GPM6A: variants seen among roughly 807,000 people sequenced by gnomAD.
GPM6A encodes the protein neuronal membrane glycoprotein M6-a.
In GPM6A, 7 loss-of-function variants were observed where a neutral mutation model predicts 32.1. The observed-to-expected ratio is 0.22, with a 90% confidence interval of 0.12 to 0.41. The LOEUF is 0.41. GPM6A is among the 10% of genes least tolerant of loss of function. GPM6A has a pLI of 1.00. For missense variants in GPM6A, 235 were observed against 347.2 expected, an observed-to-expected ratio of 0.68 and a Z score of 2.57; for synonymous variants, 130 against 123.4, an observed-to-expected ratio of 1.05 and a Z score of -0.35.
chr4:175,720,019 C>A (rs1234315107), intron 1 of GPM6A, among the ~76,000 whole-genome samples: 2 of 152,158 alleles, frequency 1.3e-5, no homozygotes, highest in Admixed American at 6.5e-5. Flanking sequence ...TCTGCCTGAG[C>A]ACCCTGATAA....
At chr4:175,642,215 A>C (rs1741187741) in intron 4 of GPM6A, 1 of 152,184 alleles carries the variant, frequency 6.6e-6, no homozygotes, top group East Asian at 1.9e-4. Context: ...GTAAAAATTT[A>C]AAAGGGTTCT....
At chr4:175,708,840 G>C (rs1382047612) in intron 1 of GPM6A, among the ~76,000 whole-genome samples, 1 of 152,156 alleles carries the variant, frequency 6.6e-6, no homozygotes, top group Non-Finnish European at 1.5e-5. Context: ...TTCTAGTGAA[G>C]TTTATACCAG....
chr4:175,677,517 A>C (rs1375475556), intron 2 of GPM6A, among the ~76,000 whole-genome samples: 1 of 152,210 alleles, frequency 6.6e-6, no homozygotes, highest in East Asian at 1.9e-4. Context: ...AAAGAAATTT[A>C]AGGCATAGAA....
At chr4:175,643,046 C>T (rs1351797352) in intron 4 of GPM6A, among the ~76,000 whole-genome samples, 3 of 152,100 alleles carry the variant, frequency 2.0e-5, no homozygotes, top group Non-Finnish European at 4.4e-5. Flanking sequence ...ACCCTACATG[C>T]AATCTATCAG....
chr4:175,645,907 C>A (rs1003770746), intron 4 of GPM6A, among the ~76,000 whole-genome samples: 3 of 152,090 alleles, frequency 2.0e-5, no homozygotes, highest in African/African-American at 4.8e-5. Context: ...AAAATACCAG[C>A]ATGTCCTTTT....
intron 1 of GPM6A, among the ~76,000 whole-genome samples, chr4:175,821,568 G>A (rs1268611330): frequency 6.6e-6 from 1 of 151,934 alleles, no homozygotes; most frequent in African/African-American, 2.4e-5. Flanking sequence ...TTACAAAATT[G>A]AATCTCTTTC....
chr4:175,815,155 C>T (rs144620789), upstream of GPM6A, among the ~76,000 whole-genome samples: 874 of 152,186 alleles, frequency 5.7e-3, 10 homozygotes, highest in Non-Finnish European at 0.01. Context: ...GGATTTCAGG[C>T]ATGCACCACC....
At chr4:175,966,319 T>C (rs1463712113) in intron 1 of GPM6A, among the ~76,000 whole-genome samples, 1 of 152,018 alleles carries the variant, frequency 6.6e-6, no homozygotes, top group Non-Finnish European at 1.5e-5. Context: ...AGAGAATCTC[T>C]TGAGCCCATG....
chr4:175,944,692 G>A lies in GPM6A; in HGVS notation c.-23+57617C>T, dbSNP rs552576662. On this transcript the variant is annotated intron_variant, in intron 1 of 7. Coordinates refer to the GPM6A transcript ENST00000280187. ...GAAAATGACGGAGCAGAACACTCAA[G>A]TAAGAAATCTACAGTTTCTGGCTTT... 1.2e-4 allele frequency among the ~76,000 whole-genome samples: 18 copies of A among 152,272 alleles called. No individual in the cohort carries two copies. In the South Asian group the frequency reaches 3.7e-3, roughly 32 times the overall value.
chr4:175,747,072 C>T (rs1015704743), intron 1 of GPM6A, among the ~76,000 whole-genome samples: 2 of 151,970 alleles, frequency 1.3e-5, no homozygotes, highest in South Asian at 2.1e-4. Flanking sequence ...GAGGTCGAGA[C>T]CATCCTGGCC....
At position 175,812,181 on chromosome 4, in the gene GPM6A, A is replaced by T; in HGVS notation, c.37+10T>A. On this transcript the variant is annotated intron_variant, in intron 1 of 6. Coordinates refer to ENST00000393658, the MANE Select transcript of GPM6A (RefSeq NM_201591.3). ...TACTTAGTTACAAATAAACGCTTTT[A>T]GCACAGTACCTTTTTGTGTCTGTCC... 1 of 1,570,726 alleles carries T rather than the reference A, an allele frequency of 6.4e-7. No individual in the cohort carries two copies. Among genetic ancestry groups the T allele is most frequent in the Non-Finnish European group, 8.7e-7 (1 of 1,146,746 alleles).
At chr4:175,840,278 G>A (rs1222208204) in intron 1 of GPM6A, among the ~76,000 whole-genome samples, 1 of 152,098 alleles carries the variant, frequency 6.6e-6, no homozygotes, top group Non-Finnish European at 1.5e-5. Flanking sequence ...AGAAAAAAGG[G>A]GAAATGTCTA....
chr4:175,734,887 C>A (rs1157077990), intron 1 of GPM6A, among the ~76,000 whole-genome samples: 7 of 151,940 alleles, frequency 4.6e-5, no homozygotes, highest in Admixed American at 4.6e-4. Flanking sequence ...TTTACTTTAC[C>A]AACCTTATTC....
chr4:175,811,777 G>A (rs942725262), intron 1 of GPM6A: 8 of 154,758 alleles, frequency 5.2e-5, no homozygotes, highest in African/African-American at 1.2e-4. Context: ...TGTTCTATCA[G>A]ATGTCCATGC....
At chr4:175,674,420 C>T (rs1055974386) in intron 2 of GPM6A, among the ~76,000 whole-genome samples, 4 of 152,144 alleles carry the variant, frequency 2.6e-5, no homozygotes, top group Non-Finnish European at 5.9e-5. Context: ...AGGCAATCCA[C>T]CACCTTGGCT....
chr4:175,796,135 T>A (rs1689679449), intron 1 of GPM6A, among the ~76,000 whole-genome samples: 1 of 152,150 alleles, frequency 6.6e-6, no homozygotes, highest in Non-Finnish European at 1.5e-5. Flanking sequence ...CACTTCTACA[T>A]CAAAAGCTTT....
intron 1 of GPM6A, among the ~76,000 whole-genome samples, chr4:175,767,815 G>A (rs1426013316): frequency 6.6e-6 from 1 of 152,210 alleles, no homozygotes; most frequent in Non-Finnish European, 1.5e-5. Context: ...GATGTTGAGT[G>A]GGTGGTTTCA....
chr4:175,697,817 G>T lies in GPM6A; in HGVS notation c.230+3758C>A, dbSNP rs770393463. The stretch of plus-strand genomic sequence containing the variant: ...GTATAATGGGTGATATCAGCTAAGA[G>T]TTTAGGAGCTCAACTTCAGGCCAGC... On this transcript the variant is annotated intron_variant, in intron 2 of 6. Coordinates refer to ENST00000393658, the MANE Select transcript of GPM6A (RefSeq NM_201591.3). 4.6e-5 allele frequency among the ~76,000 whole-genome samples: 7 copies of T among 152,172 alleles called. 1 individual carries two copies. The highest frequency in any genetic ancestry group is 1.0e-4 in the Non-Finnish European group (7 of 68,014).
At chr4:175,797,512 T>C (rs979852944) in intron 1 of GPM6A, among the ~76,000 whole-genome samples, 3 of 152,180 alleles carry the variant, frequency 2.0e-5, no homozygotes, top group South Asian at 2.1e-4. Flanking sequence ...TATTGTTACA[T>C]GCATTAGCAT....
Sources: gnomAD v4.1 joint callset for allele counts (sites outside exome capture counted in the v4.1 genomes callset) on GRCh38, gnomAD v4.1.1 for gene constraint, MANE v1.5 for transcripts, NCBI Gene and HGNC (gene_info 2026-07-23, HGNC 2026-07-21) for gene names.